PARD3B: variants seen among roughly 807,000 people sequenced by gnomAD.
The protein encoded by PARD3B is par-3 family cell polarity regulator beta, also known as partitioning defective 3 homolog B.
PARD3B carries 103 observed loss-of-function variants against 130.2 expected under a neutral mutation model. That is an observed-to-expected ratio of 0.79 (90% CI 0.67 to 0.93). The LOEUF (loss-of-function observed/expected upper bound fraction) is 0.93, where lower values mean the gene tolerates loss of function less well. Among genes scored for constraint, PARD3B ranks in the 40% least tolerant of loss-of-function variants. The pLI, the probability that PARD3B is intolerant of heterozygous loss-of-function variation, is 0.00. For missense variants in PARD3B, 1,609 were observed against 1,499.2 expected (o/e 1.07, Z -1.21); for synonymous variants, 583 against 553.2 (o/e 1.05, Z -0.76).
At chr2:205,400,911 A>G in intron 18 of PARD3B, 102 bp from the exon 19 acceptor site, 1 of 764,146 alleles carries the variant, frequency 1.3e-6, no homozygotes, top group Non-Finnish European at 2.1e-6. Context: ...CTTACTTAGA[A>G]TAAAGAAGTA....
At chr2:205,606,971 A>T (rs1395500615) in intron 22 of PARD3B, among the ~76,000 whole-genome samples, 2 of 152,076 alleles carry the variant, frequency 1.3e-5, no homozygotes, top group African/African-American at 2.4e-5. Flanking sequence ...GCAACCCCAG[A>T]ATCTGTGTTA....
intron 1 of PARD3B, among the ~76,000 whole-genome samples, chr2:204,591,021 GAA>G (rs1181492967): frequency 6.6e-6 from 1 of 152,094 alleles, no homozygotes; most frequent in African/African-American, 2.4e-5. Flanking sequence ...CTTAAAATGA[GAA>G]AAATTGCAAT....
rs1575743088 is a variant in PARD3B, at chr2:205,087,015, TGA to T, written c.505-17407_505-17406del. 2.0e-5 allele frequency among the ~76,000 whole-genome samples: 3 copies of T among 152,364 alleles called. No individual in the cohort carries two copies. In the East Asian group the frequency reaches 5.8e-4, roughly 29 times the overall value. Reference sequence around the variant, plus strand: ...GCAGCCCTCCTCTAGCTTTCATTGCTGAGAGTCTTCCAAGTGTGTTTAACAGT... The same window carrying T: ...GCAGCCCTCCTCTAGCTTTCATTGCTGAGTCTTCCAAGTGTGTTTAACAGT... On this transcript the variant is annotated intron_variant, in intron 4 of 22. Transcript: ENST00000406610.
intron 20 of PARD3B, among the ~76,000 whole-genome samples, chr2:205,485,025 A>G (rs1405787651): frequency 1.3e-5 from 2 of 152,144 alleles, no homozygotes; most frequent in Non-Finnish European, 2.9e-5. Context: ...ACAGCTGCAA[A>G]TTGCTCCATG....
intron 2 of PARD3B, among the ~76,000 whole-genome samples, chr2:204,826,746 A>G (rs990561337): frequency 1.6e-4 from 24 of 152,146 alleles, no homozygotes; most frequent in Non-Finnish European, 1.5e-5. Flanking sequence ...TCGGCTGGGC[A>G]TGGTGGCTCA....
chr2:205,245,770 C>T lies in PARD3B; in HGVS notation c.2141-8C>T. 1 of 1,591,966 alleles carries T rather than the reference C, an allele frequency of 6.3e-7. No homozygotes were observed. Among genetic ancestry groups the T allele is most frequent in the Non-Finnish European group, 8.6e-7 (1 of 1,161,796 alleles). On this transcript the variant is annotated splice_region_variant and splice_polypyrimidine_tract_variant and intron_variant, in intron 15 of 22. Transcript: ENST00000406610. ...CTGATCCTTGTCTCTTTTATTTCTT[C>T]TCCTCAGTGCCAGATGAAAGCAAGG...
At chr2:204,730,012 C>CACACAA (rs1245823294) in intron 2 of PARD3B, among the ~76,000 whole-genome samples, 29 of 151,216 alleles carry the variant, frequency 1.9e-4, no homozygotes, top group Non-Finnish European at 3.2e-4. Context: ...CACACACACA[C>CACACAA]ACACACACAC....
intron 1 of PARD3B, among the ~76,000 whole-genome samples, chr2:204,668,705 A>G (rs2036139906): frequency 6.6e-6 from 1 of 152,142 alleles, no homozygotes; most frequent in Admixed American, 6.6e-5. Context: ...TTCCGTCCTT[A>G]TGGTTGGCAG....
intron 13 of PARD3B, among the ~76,000 whole-genome samples, chr2:205,182,347 A>G (rs1222252885): frequency 3.9e-5 from 6 of 152,048 alleles, no homozygotes; most frequent in Non-Finnish European, 1.5e-5. Context: ...TAAGATACTT[A>G]CCTCAACAAA....
chr2:205,464,910 C>T (rs538725628), intron 20 of PARD3B, among the ~76,000 whole-genome samples: 28 of 152,224 alleles, frequency 1.8e-4, no homozygotes, highest in African/African-American at 6.3e-4. Context: ...TGAGACCCCT[C>T]GGAAGCCTTA....
At chr2:205,180,875 C>T (rs1361701874) in intron 13 of PARD3B, among the ~76,000 whole-genome samples, 1 of 151,954 alleles carries the variant, frequency 6.6e-6, no homozygotes, top group Non-Finnish European at 1.5e-5. Context: ...AGGCTGTGTC[C>T]CAGGGGCTTC....
chr2:205,307,252 C>A lies in PARD3B; in HGVS notation c.2630+5551C>A, dbSNP rs1351196472. Among the ~76,000 whole-genome samples the A allele has an allele frequency of 3.3e-5, 5 of 152,256 alleles. No homozygotes were observed. The East Asian group carries it at 7.7e-4, about 23-fold the overall frequency. ...GTTTAACTTCTTAATTTAACCTACT[C>A]TTGATCCTTTTGAAAAAATTACAGA... On this transcript the variant is annotated intron_variant, in intron 18 of 22. Coordinates refer to ENST00000406610, the MANE Select transcript of PARD3B (RefSeq NM_001302769.2).
intron 16 of PARD3B, among the ~76,000 whole-genome samples, chr2:205,297,371 A>G (rs2041834426): frequency 6.6e-6 from 1 of 152,190 alleles, no homozygotes; most frequent in Admixed American, 6.5e-5. Context: ...CCATCAACCT[A>G]AACTGAAATT....
intron 2 of PARD3B, among the ~76,000 whole-genome samples, chr2:204,963,468 C>A (rs116780887): frequency 2.1e-3 from 324 of 152,024 alleles, no homozygotes; most frequent in African/African-American, 7.5e-3. Flanking sequence ...GTTCATAGTA[C>A]CAATATAATA....
At chr2:205,028,352 C>A (rs1457023953) in intron 3 of PARD3B, among the ~76,000 whole-genome samples, 1 of 152,050 alleles carries the variant, frequency 6.6e-6, no homozygotes. Context: ...ATTCAATATT[C>A]TTTCATAATT....
In PARD3B at chr2:205,121,667, C is replaced by G; in HGVS notation, c.883C>G (p.Gln295Glu). Residue 295 changes from glutamine to glutamate, a missense_variant, in exon 8 of 23, where the codon CAG becomes GAG. Transcript: ENST00000406610. The surrounding 1 kb of genome is among the most constrained non-coding windows in gnomAD (Gnocchi z 5.0). ...CGTGCTTCCTCCACAAAACCGTGAA[C>G]AGTATGAAAAGTCAGTCATTGGCTC... ...LHVLPPQNRE[Q>E]YEKSVIGSLN... The G allele has an allele frequency of 6.2e-7, 1 of 1,614,138 alleles. No individual in the cohort carries two copies. The highest frequency in any genetic ancestry group is 8.5e-7 in the Non-Finnish European group (1 of 1,180,028).
At chr2:205,139,613 G>T (rs192290781) in intron 10 of PARD3B, among the ~76,000 whole-genome samples, 64 of 152,128 alleles carry the variant, frequency 4.2e-4, no homozygotes, top group African/African-American at 1.5e-3. Flanking sequence ...AAAGATGAAG[G>T]CTGCTACATT....
chr2:204,776,647 A>G (rs1352589873), intron 2 of PARD3B, among the ~76,000 whole-genome samples: 4 of 151,782 alleles, frequency 2.6e-5, no homozygotes, highest in Non-Finnish European at 5.9e-5. Flanking sequence ...CTTTTGTATA[A>G]TAAAACTTGC....
At chr2:205,478,884 A>G (rs1411648396) in intron 20 of PARD3B, among the ~76,000 whole-genome samples, 1 of 152,184 alleles carries the variant, frequency 6.6e-6, no homozygotes, top group Non-Finnish European at 1.5e-5. Flanking sequence ...TTCAGCACAC[A>G]TATATTCCAT....
Sources: allele counts gnomAD v4.1 joint callset (sites outside exome capture counted in the v4.1 genomes callset), GRCh38; gene constraint gnomAD v4.1.1; non-coding constraint Gnocchi (gnomAD v3.1); transcripts MANE v1.5; gene names NCBI Gene and HGNC (gene_info 2026-07-23, HGNC 2026-07-21).